The following GRM4 variants were observed in gnomAD, a reference collection of about 807,000 sequenced individuals.
GRM4 encodes the protein metabotropic glutamate receptor 4.
A neutral mutation model predicts 81.7 loss-of-function variants in GRM4; 28 were observed. That is an observed-to-expected ratio of 0.34 (90% CI 0.25 to 0.47). The LOEUF (loss-of-function observed/expected upper bound fraction) is 0.47. Among genes scored for constraint, GRM4 ranks in the 20% least tolerant of loss-of-function variants. The pLI is 1.00. For synonymous variants in GRM4, 488 were observed against 528.8 expected (o/e 0.92, Z 1.06); for missense variants, 948 against 1,290.0 (o/e 0.73, Z 4.06).
At position 34,059,145 on chromosome 6, in the gene GRM4, C is replaced by G. The variant is rs377739580; in HGVS notation, c.873-17G>C. 46 of 1,611,184 alleles carry G rather than the reference C, an allele frequency of 2.9e-5. 1 individual carries two copies. The Middle Eastern group carries it at 5.1e-3, about 179-fold the overall frequency. On this transcript the variant is annotated splice_polypyrimidine_tract_variant and intron_variant, in intron 4 of 10. Coordinates refer to ENST00000538487, the MANE Select transcript of GRM4 (RefSeq NM_000841.4). The surrounding 1 kb of genome is among the most constrained non-coding windows in gnomAD (Gnocchi z 5.7). ...AGCACACGCCTGTAGGAACATACAC[C>G]AGCCCAGCCCAGCCGCGTCTGTCCA...
At chr6:34,073,973 C>T (rs1038688085) in intron 3 of GRM4, among the ~76,000 whole-genome samples, 4 of 152,156 alleles carry the variant, frequency 2.6e-5, no homozygotes, top group East Asian at 1.9e-4. Flanking sequence ...GGGGATGGCA[C>T]GGCTATTCAT....
chr6:34,059,278 TG>T lies in GRM4; in HGVS notation c.873-151del. 1.4e-6 allele frequency: 1 copy of T among 701,082 alleles called. No individual in the cohort carries two copies. Among genetic ancestry groups the T allele is most frequent in the Middle Eastern group, 2.5e-4 (1 of 3,990 alleles). 43.4% of individuals were successfully genotyped at this position (701,082 alleles called of 1,614,324 possible). A position where few individuals can be genotyped will look rare whatever the true frequency, so the allele number is the denominator to read the frequency against. On this transcript the variant is annotated intron_variant, in intron 4 of 10. Coordinates refer to ENST00000538487, the MANE Select transcript of GRM4 (RefSeq NM_000841.4). The surrounding 1 kb of genome is among the most constrained non-coding windows in gnomAD (Gnocchi z 5.7). Reference sequence around the variant, plus strand: ...GCACCGATGCTTTCACCCCAAGCCATGGATTCCCCCTACCCGCTGCCCTCAC... The same window carrying T: ...GCACCGATGCTTTCACCCCAAGCCATGATTCCCCCTACCCGCTGCCCTCAC...
intron 1 of GRM4, chr6:34,155,076 C>T: frequency 6.6e-7 from 1 of 1,510,132 alleles, no homozygotes; most frequent in Non-Finnish European, 8.8e-7. Flanking sequence ...GCTTGTTTTT[C>T]ACCTGAGCAG....
chr6:34,125,383 G>T (rs1297056046), intron 2 of GRM4, among the ~76,000 whole-genome samples: 1 of 152,166 alleles, frequency 6.6e-6, no homozygotes, highest in Non-Finnish European at 1.5e-5. Flanking sequence ...GGACTGCAGG[G>T]TGGGTGGGGC....
At chr6:34,072,680 ACAC>A (rs754936407) in intron 3 of GRM4, among the ~76,000 whole-genome samples, 21 of 144,072 alleles carry the variant, frequency 1.5e-4, no homozygotes, top group Non-Finnish European at 2.3e-4. Flanking sequence ...CCACACACAC[ACAC>A]ATCACCATAC....
At position 34,121,509 on chromosome 6, in the gene GRM4, C is replaced by CATTAGGGCCCG. The variant is rs1561825450; in HGVS notation, c.519+11468_519+11469insCGGGCCCTAAT. ...CCCATTAGGGCTCCCATTAGGGCCC[C>CATTAGGGCCCG]GCTCTACCCAGCCAGAGCTCCCCCT... On this transcript the variant is annotated intron_variant, in intron 2 of 10. Transcript: ENST00000538487. The surrounding 1 kb of genome is among the most constrained non-coding windows in gnomAD (Gnocchi z 4.6). Among the ~76,000 whole-genome samples the CATTAGGGCCCG allele has an allele frequency of 3.3e-5, 5 of 151,998 alleles. No homozygotes were observed. Among genetic ancestry groups the CATTAGGGCCCG allele is most frequent in the Non-Finnish European group, 5.9e-5 (4 of 67,970 alleles).
intron 9 of GRM4, among the ~76,000 whole-genome samples, chr6:34,030,730 C>A (rs1363579303): frequency 6.6e-6 from 1 of 152,220 alleles, no homozygotes; most frequent in African/African-American, 2.4e-5. Context: ...TCATTTTGTG[C>A]TGGGCGCTGA....
Position 34,092,428 on chromosome 6 carries a change from A to G in GRM4, c.520-329T>C, listed in dbSNP as rs1768285555. 6.6e-6 allele frequency among the ~76,000 whole-genome samples: 1 copy of G among 152,150 alleles called. No individual in the cohort carries two copies. Among genetic ancestry groups the G allele is most frequent in the South Asian group, 2.1e-4 (1 of 4,832 alleles). On this transcript the variant is annotated intron_variant, in intron 2 of 10. Transcript: ENST00000538487. This position sits in a 1 kb window ranked among gnomAD's most constrained non-coding sequence, Gnocchi z 6.8. ...CCCAGGGAAAATCCCCACATACGTG[A>G]GATGATTCAGCCTGGGGATGGGGTG...
chr6:34,103,473 G>C, intron 2 of GRM4: 1 of 830,082 alleles, frequency 1.2e-6, no homozygotes, highest in Non-Finnish European at 1.9e-6. Context: ...AGATAAGAGC[G>C]CCCGAGAGAG....
chr6:34,126,778 A>C (rs1266275093), intron 2 of GRM4, among the ~76,000 whole-genome samples: 1 of 152,158 alleles, frequency 6.6e-6, no homozygotes, highest in Non-Finnish European at 1.5e-5. Flanking sequence ...TCCCTCCATG[A>C]GTCCATTTGG....
chr6:34,044,465 CAG>C (rs1554181659), intron 6 of GRM4, among the ~76,000 whole-genome samples: 2 of 145,032 alleles, frequency 1.4e-5, no homozygotes, highest in African/African-American at 2.6e-5. Context: ...GACACACACA[CAG>C]ACATACATAC....
chr6:34,102,498 C>G (rs1360463985), intron 2 of GRM4, among the ~76,000 whole-genome samples: 1 of 151,742 alleles, frequency 6.6e-6, no homozygotes, highest in Non-Finnish European at 1.5e-5. Flanking sequence ...GTGGCTCGCT[C>G]CCTCTCATCC....
chr6:34,101,604 C>G (rs1006221359), intron 2 of GRM4, among the ~76,000 whole-genome samples: 1 of 152,218 alleles, frequency 6.6e-6, no homozygotes, highest in African/African-American at 2.4e-5. Context: ...GCTGGGAGAC[C>G]AGCCCTGCTT....
intron 5 of GRM4, among the ~76,000 whole-genome samples, chr6:34,058,092 A>C (rs2127459950): frequency 6.6e-6 from 1 of 152,086 alleles, no homozygotes; most frequent in African/African-American, 2.4e-5. Flanking sequence ...GACATGGGGC[A>C]GGTGTGGATG....
chr6:34,049,480 G>T (rs536347687), intron 6 of GRM4, among the ~76,000 whole-genome samples: 2 of 151,808 alleles, frequency 1.3e-5, no homozygotes, highest in African/African-American at 4.8e-5. Flanking sequence ...CACACTCCTT[G>T]GTGCTCCCAG....
At chr6:34,155,279 G>C (rs1307665138) in exon 1 of GRM4, 1 of 1,534,204 alleles carries the variant, frequency 6.5e-7, no homozygotes, top group Admixed American at 2.0e-5. Context: ...AGGTTTCCTT[G>C]GTGGGAGGAA....
intron 6 of GRM4, among the ~76,000 whole-genome samples, chr6:34,052,623 T>A (rs1439896569): frequency 6.6e-6 from 1 of 151,804 alleles, no homozygotes. Context: ...GAGAACAGAG[T>A]GAGCTGATCC....
At chr6:34,125,869 CCT>C (rs1280672925) in intron 2 of GRM4, among the ~76,000 whole-genome samples, 1 of 152,218 alleles carries the variant, frequency 6.6e-6, no homozygotes, top group African/African-American at 2.4e-5. Flanking sequence ...GAGAACTGCC[CCT>C]GACAGTCACC....
At chr6:34,128,694 T>A (rs1770122237) in intron 2 of GRM4, among the ~76,000 whole-genome samples, 2 of 151,978 alleles carry the variant, frequency 1.3e-5, no homozygotes, top group African/African-American at 4.8e-5. Flanking sequence ...TAATTTTTAA[T>A]CCCCGTGCTG....
Sources: gnomAD v4.1 joint callset for allele counts (sites outside exome capture counted in the v4.1 genomes callset) on GRCh38, gnomAD v4.1.1 for gene constraint, Gnocchi (gnomAD v3.1) non-coding constraint, MANE v1.5 for transcripts, NCBI Gene and HGNC (gene_info 2026-07-23, HGNC 2026-07-21) for gene names.